Variants in MEIS3 observed in about 807,000 individuals in gnomAD.
MEIS3 encodes the protein Meis homeobox 3.
A neutral mutation model predicts 51.4 loss-of-function variants in MEIS3; 38 were observed. The observed-to-expected ratio is 0.74, with a 90% CI of 0.57 to 0.97. The LOEUF is 0.97. Among genes scored for constraint, MEIS3 ranks in the 50% least tolerant of loss-of-function variants. The pLI is 0.00. For missense variants in MEIS3, 456 were observed against 502.6 expected (o/e 0.91, Z 0.89); for synonymous variants, 198 against 201.8 (o/e 0.98, Z 0.16).
chr19:47,418,053 G>A (rs1396236521), intron 1 of MEIS3: 2 of 274,018 alleles, frequency 7.3e-6, no homozygotes, highest in Non-Finnish European at 1.4e-5. Context: ...CTCATGCTGT[G>A]AGCACTTGTT....
In MEIS3 at chr19:47,407,075, G is replaced by C. The variant is rs919801893; in HGVS notation, c.994+4C>G. ...GGCTCTCCGTCCCCGCCTTCCCCCT[G>C]TACCTGTGCGGTTGGATTGATCGAT... On this transcript the variant is annotated splice_donor_region_variant and intron_variant, in intron 10 of 12. Transcript: ENST00000558555. 3 of 1,610,038 alleles carry C rather than the reference G, an allele frequency of 1.9e-6. No individual in the cohort carries two copies. In the East Asian group the frequency reaches 6.7e-5, roughly 36 times the overall value.
At chr19:47,407,529 A>G (rs1169912538) in intron 8 of MEIS3, 101 bp from the exon 9 acceptor site, 3 of 1,600,050 alleles carry the variant, frequency 1.9e-6, no homozygotes, top group East Asian at 2.2e-5. Context: ...GCCCAGGCCC[A>G]GGCAGACGTC....
chr19:47,415,552 T>G (rs1971365485), intron 4 of MEIS3, among the ~76,000 whole-genome samples: 1 of 146,758 alleles, frequency 6.8e-6, no homozygotes, highest in South Asian at 2.2e-4. Flanking sequence ...TATTCCTCCC[T>G]CCTTTCTTCT....
chr19:47,416,967 G>A lies in MEIS3; in HGVS notation c.186-4C>T, dbSNP rs1190210925. The A allele has an allele frequency of 2.5e-6, 4 of 1,574,282 alleles. No homozygotes were observed. Among genetic ancestry groups the A allele is most frequent in the Non-Finnish European group, 2.6e-6 (3 of 1,159,780 alleles). ...CAAGAGGGGGAAGAGCGGGTGTCTGGGGAGGCAGGAAAGGAGAGAGGTTGA... is the reference window on the plus strand; with the variant it reads ...CAAGAGGGGGAAGAGCGGGTGTCTGAGGAGGCAGGAAAGGAGAGAGGTTGA... On this transcript the variant is annotated splice_polypyrimidine_tract_variant and splice_region_variant and intron_variant, in intron 2 of 12. Transcript: ENST00000558555.
chr19:47,408,699 G>T (rs1409448738), intron 8 of MEIS3, among the ~76,000 whole-genome samples: 1 of 152,090 alleles, frequency 6.6e-6, no homozygotes. Context: ...GTTAAGGCCA[G>T]ACTGCCTGCA....
intron 12 of MEIS3, 61 bp downstream of exon 12, chr19:47,406,399 A>G: frequency 6.9e-7 from 1 of 1,444,818 alleles, no homozygotes; most frequent in South Asian, 1.2e-5. Flanking sequence ...CCACTCTTGG[A>G]GTCCTGAGGT....
At chr19:47,417,079 G>A (rs1427234842) in intron 2 of MEIS3, 99 bp downstream of exon 2, 1 of 1,538,618 alleles carries the variant, frequency 6.5e-7, no homozygotes, top group African/African-American at 1.4e-5. Context: ...GAAGGAGACA[G>A]AGACTCGTAC....
upstream of MEIS3, among the ~76,000 whole-genome samples, chr19:47,420,892 GCT>G (rs147025798): frequency 0.048 from 5,201 of 107,782 alleles, 128 homozygotes; most frequent in Middle Eastern, 0.07. Flanking sequence ...TCTGTCTCTC[GCT>G]CTCTCTCTCT....
chr19:47,420,934 ACACACACTCTCT>A (rs1971690768), upstream of MEIS3, among the ~76,000 whole-genome samples: 2 of 103,426 alleles, frequency 1.9e-5, no homozygotes, highest in African/African-American at 1.0e-4. Flanking sequence ...ACACACACAC[ACACACACTCTCT>A]CTCTCTCTCT....
At chr19:47,413,197 G>C (rs968327411) in intron 6 of MEIS3, among the ~76,000 whole-genome samples, 2 of 151,484 alleles carry the variant, frequency 1.3e-5, no homozygotes, top group African/African-American at 2.4e-5. Context: ...AGGAGTTCGA[G>C]GCCAGCCTGG....
At chr19:47,408,568 C>T (rs1228084925) in intron 8 of MEIS3, among the ~76,000 whole-genome samples, 3 of 152,078 alleles carry the variant, frequency 2.0e-5, no homozygotes, top group South Asian at 2.1e-4. Context: ...CTCTGTGACT[C>T]GGCCTCTCCC....
At chr19:47,410,647 T>C (rs939745631) in intron 6 of MEIS3, among the ~76,000 whole-genome samples, 1 of 151,454 alleles carries the variant, frequency 6.6e-6, no homozygotes, top group African/African-American at 2.4e-5. Context: ...GCGCCTGTAG[T>C]CCCAGCTACT....
chr19:47,409,747 T>C (rs1200438934), intron 6 of MEIS3, among the ~76,000 whole-genome samples, 200 bp from the exon 7 acceptor site: 2 of 151,472 alleles, frequency 1.3e-5, no homozygotes, highest in East Asian at 2.0e-4. Flanking sequence ...CCTGTAGTCC[T>C]AGCTACTCAG....
chr19:47,411,441 C>G (rs1295639599), intron 6 of MEIS3, among the ~76,000 whole-genome samples: 5 of 152,094 alleles, frequency 3.3e-5, no homozygotes, highest in African/African-American at 9.7e-5. Flanking sequence ...TGAGTTTGCA[C>G]TAAATTTATG....
intron 1 of MEIS3, 57 bp downstream of exon 1, chr19:47,419,013 G>T: frequency 8.6e-7 from 1 of 1,167,696 alleles, no homozygotes; most frequent in Non-Finnish European, 1.1e-6. Flanking sequence ...AGTGGGGGAT[G>T]CAGGGACAGG....
rs1250473630 is a variant in MEIS3 at position 47,419,404 on chromosome 19, G to T, written c.-323C>A. The stretch of plus-strand genomic sequence containing the variant: ...CCCGTCCCTTCCCCGGCTCTGGAGG[G>T]AATCGAACCGTCCCGAGACGGACAC... On this transcript the variant is annotated 5_prime_UTR_variant, in exon 1 of 13. Transcript: ENST00000558555. 2.5e-4 allele frequency: 35 copies of T among 138,546 alleles called. No individual in the cohort carries two copies. In the East Asian group the frequency reaches 7.3e-3, roughly 29 times the overall value. The allele number at this position is 138,546 out of a possible 1,614,324, so 8.6% of individuals were successfully genotyped here. A position where few individuals can be genotyped will look rare whatever the true frequency, so the allele number is the denominator to read the frequency against.
chr19:47,405,700 C>T (rs1970782526), intron 12 of MEIS3, among the ~76,000 whole-genome samples: 1 of 151,918 alleles, frequency 6.6e-6, no homozygotes, highest in Non-Finnish European at 1.5e-5. Context: ...TGGGTACATG[C>T]CACCACACCT....
chr19:47,409,160 C>G lies in MEIS3; in HGVS notation c.797G>C (p.Arg266Thr). ...GGTGGCCACCTTGGGGAAGATCCCC[C>G]TCTTCTTGTTTCGCCGTCGCTCCTG... ...LDQERRRNKK[R>T]GIFPKVATNI... Residue 266 changes from arginine to threonine, a missense_variant, in exon 8 of 13, where the codon AGG (arginine) becomes ACG (threonine). Arg to Thr is a moderately conservative substitution (Grantham distance 71). Coordinates refer to ENST00000558555, the MANE Select transcript of MEIS3 (RefSeq NM_001301059.2). The G allele has an allele frequency of 2.5e-6, 4 of 1,612,480 alleles. No individual in the cohort carries two copies. Among genetic ancestry groups the G allele is most frequent in the Non-Finnish European group, 3.4e-6 (4 of 1,180,026 alleles).
chr19:47,405,781 C>G (rs897235158), intron 12 of MEIS3, among the ~76,000 whole-genome samples: 1 of 152,020 alleles, frequency 6.6e-6, no homozygotes, highest in African/African-American at 2.4e-5. Context: ...AACTTCTGAC[C>G]TCAGGTGATC....
Sources: gnomAD v4.1 joint callset for allele counts (sites outside exome capture counted in the v4.1 genomes callset) on GRCh38, gnomAD v4.1.1 for gene constraint, MANE v1.5 for transcripts, NCBI Gene and HGNC (gene_info 2026-07-23, HGNC 2026-07-21) for gene names.